Variants in TGFBR3 observed in about 807,000 individuals in gnomAD.
TGFBR3 encodes the protein transforming growth factor beta receptor 3.
A neutral mutation model predicts 87.9 loss-of-function variants in TGFBR3; 46 were observed. That is an observed-to-expected ratio of 0.52 (90% confidence interval 0.41 to 0.67). TGFBR3 has a LOEUF of 0.67. Among genes scored for constraint, TGFBR3 ranks in the 30% least tolerant of loss-of-function variants. The pLI is 0.00. For missense variants in TGFBR3, 866 were observed against 1,041.9 expected (o/e 0.83, Z 2.32); for synonymous variants, 381 against 391.6 (o/e 0.97, Z 0.32).
intron 1 of TGFBR3, among the ~76,000 whole-genome samples, chr1:91,901,520 T>A (rs944619203): frequency 2.6e-5 from 4 of 152,176 alleles, no homozygotes; most frequent in African/African-American, 9.7e-5. Context: ...GCATTGTACA[T>A]TCTCATATTA....
upstream of TGFBR3, among the ~76,000 whole-genome samples, chr1:91,890,648 G>T (rs1679425332): frequency 6.6e-6 from 1 of 151,134 alleles, no homozygotes; most frequent in Non-Finnish European, 1.5e-5. Flanking sequence ...TCAAACTCCT[G>T]ACCTCGTGAT....
chr1:91,770,674 C>T (rs1010055384), intron 3 of TGFBR3, among the ~76,000 whole-genome samples: 8 of 152,124 alleles, frequency 5.3e-5, no homozygotes, highest in Non-Finnish European at 1.0e-4. Flanking sequence ...ATATACAATT[C>T]CCATTAGCAA....
At chr1:91,705,317 C>T (rs1333817589) in intron 14 of TGFBR3, among the ~76,000 whole-genome samples, 1 of 151,620 alleles carries the variant, frequency 6.6e-6, no homozygotes, top group East Asian at 1.9e-4. Context: ...CTCTGCTTCC[C>T]AGGTTTAGGC....
intron 2 of TGFBR3, among the ~76,000 whole-genome samples, chr1:91,841,412 C>T (rs750157101): frequency 3.9e-5 from 6 of 152,214 alleles, no homozygotes; most frequent in Non-Finnish European, 7.3e-5. Context: ...CAGTGAAGTA[C>T]TGCCTTCATT....
intron 3 of TGFBR3, among the ~76,000 whole-genome samples, chr1:91,781,726 CTCACAGCAAG>C (rs1674774537): frequency 6.6e-6 from 1 of 151,948 alleles, no homozygotes; most frequent in African/African-American, 2.4e-5. Context: ...AAAAAAAAAC[CTCACAGCAAG>C]TCAAGGGCCC....
At chr1:91,872,823 T>G (rs750012523) in intron 1 of TGFBR3, among the ~76,000 whole-genome samples, 1 of 152,144 alleles carries the variant, frequency 6.6e-6, no homozygotes, top group South Asian at 2.1e-4. Flanking sequence ...CCAAACCACT[T>G]GTAAGGATGG....
At chr1:91,815,521 C>CA (rs1676191415) in intron 2 of TGFBR3, among the ~76,000 whole-genome samples, 1 of 151,898 alleles carries the variant, frequency 6.6e-6, no homozygotes, top group African/African-American at 2.4e-5. Context: ...CTTTACGTTA[C>CA]AAAAAAGAAG....
At position 91,712,446 on chromosome 1, in the gene TGFBR3, T is replaced by C. The variant is rs553748759; in HGVS notation, c.1963A>G (p.Ile655Val). ...SNPDRMSHYTIIENICPKDES... is the reference protein window; with the variant it reads ...SNPDRMSHYTVIENICPKDES... ...TCTTTAGGACAAATATTCTCAATAA[T>C]GGTGTAATGAGACATCCTATCAGGG... Residue 655 changes from isoleucine to valine, a missense_variant, in exon 13 of 17, where the codon ATT becomes GTT. Coordinates refer to ENST00000212355, the MANE Select transcript of TGFBR3 (RefSeq NM_003243.5). 5 of 1,613,938 alleles carry C rather than the reference T, an allele frequency of 3.1e-6. 1 individual carries two copies. The highest frequency in any genetic ancestry group is 2.7e-5 in the African/African-American group (2 of 75,062).
At chr1:91,733,457 C>T (rs560182375) in intron 5 of TGFBR3, among the ~76,000 whole-genome samples, 38 of 152,324 alleles carry the variant, frequency 2.5e-4, no homozygotes, top group African/African-American at 9.1e-4. Context: ...GTAGCATCCT[C>T]TCCGACGTCC....
rs1557676565 is a variant in TGFBR3 at position 91,721,991 on chromosome 1, C to T, written c.1039G>A (p.Val347Met). The T allele has an allele frequency of 1.9e-6, 3 of 1,613,498 alleles. No individual in the cohort carries two copies. The highest frequency in any genetic ancestry group is 1.1e-5 in the South Asian group (1 of 90,930). The change falls in exon 8 of 17, where the codon GTG becomes ATG. Residue 347 changes from valine (V) to methionine (M), a missense_variant. Physicochemically the swap from Val to Met is conservative, Grantham distance 21. Coordinates refer to ENST00000212355, the MANE Select transcript of TGFBR3 (RefSeq NM_003243.5). ...AGCCGAAGATGAAATCTATTAGCCA[C>T]AGGAGCCATTGTGTATGAAGTTATT... ...SPITSYTMAP[V>M]ANRFHLRLEN...
intron 2 of TGFBR3, among the ~76,000 whole-genome samples, chr1:91,818,747 T>C (rs1676338558): frequency 6.6e-6 from 1 of 152,188 alleles, no homozygotes; most frequent in Admixed American, 6.6e-5. Flanking sequence ...GTTATACACA[T>C]CCTGCATCAC....
chr1:91,895,221 G>A (rs929269348), intron 2 of TGFBR3, among the ~76,000 whole-genome samples: 1 of 152,108 alleles, frequency 6.6e-6, no homozygotes, highest in Admixed American at 6.5e-5. Flanking sequence ...CTCATGAATG[G>A]TTTAGTATCA....
chr1:91,716,747 A>C, intron 10 of TGFBR3, 39 bp from the exon 11 acceptor site: 1 of 1,613,780 alleles, frequency 6.2e-7, no homozygotes, highest in African/African-American at 1.3e-5. Context: ...TTATAAAAAC[A>C]CCAAACCATG....
intron 5 of TGFBR3, among the ~76,000 whole-genome samples, chr1:91,730,291 T>G (rs1311243478): frequency 6.6e-6 from 1 of 152,174 alleles, no homozygotes; most frequent in East Asian, 1.9e-4. Flanking sequence ...TGGTTCCTCC[T>G]CTGCTCAGAA....
At chr1:91,898,646 G>GC (rs1238548921) in intron 2 of TGFBR3, among the ~76,000 whole-genome samples, 11 of 151,978 alleles carry the variant, frequency 7.2e-5, no homozygotes, top group South Asian at 4.2e-4. Context: ...CACCGTGTTA[G>GC]CAGGATGGTC....
At chr1:91,765,049 G>C (rs1674124041) in intron 3 of TGFBR3, among the ~76,000 whole-genome samples, 1 of 151,954 alleles carries the variant, frequency 6.6e-6, no homozygotes, top group South Asian at 2.1e-4. Flanking sequence ...GATTTCTTTT[G>C]CAATTTTTTT....
intron 3 of TGFBR3, chr1:91,786,224 A>C (rs1236437927): frequency 6.6e-6 from 3 of 456,160 alleles, no homozygotes; most frequent in Non-Finnish European, 1.3e-5. Flanking sequence ...TTCATTGAAC[A>C]GGCCTGTGAA....
chr1:91,832,907 C>T (rs1054358929), intron 2 of TGFBR3, among the ~76,000 whole-genome samples: 1 of 151,766 alleles, frequency 6.6e-6, no homozygotes, highest in Non-Finnish European at 1.5e-5. Flanking sequence ...ACTCAGGAGA[C>T]TGATGCAGGA....
In TGFBR3 at chr1:91,752,871, T is replaced by C. The variant is rs559190575; in HGVS notation, c.384+5742A>G. Among the ~76,000 whole-genome samples, 24 of 146,290 alleles carry C rather than the reference T, an allele frequency of 1.6e-4. No individual in the cohort carries two copies. The South Asian group carries it at 5.0e-3, about 31-fold the overall frequency. On this transcript the variant is annotated intron_variant, in intron 4 of 16. Transcript: ENST00000212355. ...AACCCCATCTTTACAAAAAAAAAAGTCAAAAATTAGCTGGGTGTGGGGGTA... is the reference window on the plus strand; with the variant it reads ...AACCCCATCTTTACAAAAAAAAAAGCCAAAAATTAGCTGGGTGTGGGGGTA...
Sources: gnomAD v4.1 joint callset for allele counts (sites outside exome capture counted in the v4.1 genomes callset) on GRCh38, gnomAD v4.1.1 for gene constraint, MANE v1.5 for transcripts, NCBI Gene and HGNC (gene_info 2026-07-23, HGNC 2026-07-21) for gene names.